GLCE: variants seen among roughly 807,000 people sequenced by gnomAD.
GLCE encodes D-glucuronyl C5-epimerase.
In GLCE, 19 loss-of-function variants were observed where a neutral mutation model predicts 47.9. The ratio of observed to expected loss-of-function variants is 0.40; its 90% CI spans 0.28 to 0.58. The LOEUF (loss-of-function observed/expected upper bound fraction) is 0.58. GLCE is among the 20% of genes least tolerant of loss of function. GLCE has a pLI of 0.48. For synonymous variants in GLCE, 245 were observed against 263.4 expected (o/e 0.93, Z 0.68); for missense variants, 556 against 743.3 (o/e 0.75, Z 2.93).
Position 69,245,274 on chromosome 15 carries a change from A to G in GLCE, c.-13-10520A>G, listed in dbSNP as rs970354309. Among the ~76,000 whole-genome samples, 5 of 149,124 alleles carry G rather than the reference A, an allele frequency of 3.4e-5. No homozygotes were observed. In the East Asian group the frequency reaches 9.9e-4, roughly 30 times the overall value. ...CTTGAACCCCGGAGTTAGAGGTTTC[A>G]GTGAGCCGAGATCACATCACTGCAC... On this transcript the variant is annotated intron_variant, in intron 2 of 4. Transcript: ENST00000261858.
chr15:69,258,387 G>A (rs1004503631), intron 3 of GLCE, among the ~76,000 whole-genome samples: 2 of 152,006 alleles, frequency 1.3e-5, no homozygotes, highest in African/African-American at 2.4e-5. Context: ...AGATCATACT[G>A]TATGGTCAAT....
chr15:69,205,945 C>T (rs1288320202), intron 1 of GLCE, among the ~76,000 whole-genome samples: 1 of 151,842 alleles, frequency 6.6e-6, no homozygotes, highest in Admixed American at 6.6e-5. Context: ...TTTACAAAAC[C>T]AAGTGCATTT....
intron 1 of GLCE, among the ~76,000 whole-genome samples, chr15:69,161,344 G>T (rs994637092): frequency 6.6e-6 from 1 of 151,968 alleles, no homozygotes; most frequent in Non-Finnish European, 1.5e-5. Flanking sequence ...GTGTCTCCGG[G>T]TGAGAGAGCG....
At chr15:69,194,964 G>A (rs1351566415) in intron 1 of GLCE, among the ~76,000 whole-genome samples, 1 of 152,072 alleles carries the variant, frequency 6.6e-6, no homozygotes. Flanking sequence ...AATATGTTGT[G>A]AAAGAAAATA....
At chr15:69,168,812 G>A (rs773484103) in intron 1 of GLCE, among the ~76,000 whole-genome samples, 17 of 152,146 alleles carry the variant, frequency 1.1e-4, no homozygotes, top group Non-Finnish European at 2.1e-4. Context: ...GATTACAGGC[G>A]TGAGCCACTG....
At chr15:69,246,739 T>G (rs923394217) in intron 2 of GLCE, among the ~76,000 whole-genome samples, 5 of 147,664 alleles carry the variant, frequency 3.4e-5, no homozygotes, top group Admixed American at 1.4e-4. Context: ...AAAAAAGACA[T>G]GAAAGTCAAA....
intron 2 of GLCE, among the ~76,000 whole-genome samples, chr15:69,231,830 C>G (rs1266959092): frequency 2.0e-5 from 3 of 151,962 alleles, no homozygotes; most frequent in African/African-American, 7.2e-5. Flanking sequence ...TTCCCTGTCA[C>G]TACTCAGGCT....
At chr15:69,212,634 A>G (rs1313195660) in intron 2 of GLCE, among the ~76,000 whole-genome samples, 1 of 152,076 alleles carries the variant, frequency 6.6e-6, no homozygotes, top group Non-Finnish European at 1.5e-5. Context: ...TTCTCTGTTC[A>G]TGTCTTTGAA....
At chr15:69,208,578 C>G (rs777709930) in intron 1 of GLCE, among the ~76,000 whole-genome samples, 3 of 151,998 alleles carry the variant, frequency 2.0e-5, no homozygotes, top group Non-Finnish European at 4.4e-5. Context: ...CAACTTTATT[C>G]ATTTTAAAAA....
intron 1 of GLCE, among the ~76,000 whole-genome samples, chr15:69,189,530 T>C (rs1310359844): frequency 1.3e-5 from 2 of 152,220 alleles, no homozygotes. Context: ...TCGACTCATT[T>C]GGGTCACTAC....
intron 2 of GLCE, among the ~76,000 whole-genome samples, chr15:69,242,481 A>G (rs1039594882): frequency 2.0e-5 from 3 of 152,172 alleles, no homozygotes; most frequent in South Asian, 2.1e-4. Context: ...CTATATATCT[A>G]TATACTATAG....
At chr15:69,185,660 C>T (rs533844850) in intron 1 of GLCE, among the ~76,000 whole-genome samples, 1 of 151,768 alleles carries the variant, frequency 6.6e-6, no homozygotes, top group Non-Finnish European at 1.5e-5. Flanking sequence ...ACTCTCACAC[C>T]ACCACAAAAA....
intron 3 of GLCE, 114 bp downstream of exon 3, chr15:69,256,506 A>G (rs2052927615): frequency 2.7e-6 from 2 of 753,144 alleles, no homozygotes; most frequent in South Asian, 1.8e-5. Context: ...ACCTTTCATC[A>G]CTCTAATTTA....
chr15:69,204,234 A>AT (rs1011220944), intron 1 of GLCE, among the ~76,000 whole-genome samples: 3 of 124,232 alleles, frequency 2.4e-5, no homozygotes, highest in South Asian at 2.5e-4. Context: ...TAAAGCGACT[A>AT]TTTTTTCCCT....
At chr15:69,260,810 AACAC>A (rs750800565) in intron 3 of GLCE, 20 of 344,330 alleles carry the variant, frequency 5.8e-5, no homozygotes, top group Non-Finnish European at 1.0e-4. Context: ...GAGCAAAAGT[AACAC>A]ACACAAAAAG....
At chr15:69,258,423 C>T (rs1015864275) in intron 3 of GLCE, among the ~76,000 whole-genome samples, 3 of 152,128 alleles carry the variant, frequency 2.0e-5, no homozygotes, top group African/African-American at 7.2e-5. Context: ...TTCTACTTAA[C>T]ATGTTTCAAC....
intron 1 of GLCE, among the ~76,000 whole-genome samples, chr15:69,189,744 CCTT>C (rs2051885767): frequency 6.6e-6 from 1 of 152,052 alleles, no homozygotes; most frequent in African/African-American, 2.4e-5. Flanking sequence ...TCTTTCTTCT[CCTT>C]CTGTGTACTT....
chr15:69,201,180 A>G (rs1162846662), intron 1 of GLCE, among the ~76,000 whole-genome samples: 1 of 152,096 alleles, frequency 6.6e-6, no homozygotes, highest in Non-Finnish European at 1.5e-5. Context: ...AATCTCTCCC[A>G]TCTCAAGTTC....
intron 2 of GLCE, among the ~76,000 whole-genome samples, chr15:69,235,095 T>C (rs1488988564): frequency 1.0e-4 from 2 of 20,004 alleles, no homozygotes; most frequent in African/African-American, 2.0e-4. Context: ...AGATTATTCT[T>C]TTTTTTTTTT....
Sources: allele counts gnomAD v4.1 joint callset (sites outside exome capture counted in the v4.1 genomes callset), GRCh38; gene constraint gnomAD v4.1.1; transcripts MANE v1.5; gene names NCBI Gene and HGNC (gene_info 2026-07-23, HGNC 2026-07-21).